KLHL32: variants seen among roughly 807,000 people sequenced by gnomAD.
KLHL32 encodes the protein kelch like family member 32, also known as kelch-like protein 32.
A neutral mutation model predicts 64.8 loss-of-function variants in KLHL32; 35 were observed. The observed-to-expected ratio is 0.54, with a 90% CI of 0.41 to 0.72. The LOEUF (loss-of-function observed/expected upper bound fraction) is 0.72. KLHL32 is among the 30% of genes least tolerant of loss of function. KLHL32 has a pLI of 0.00. For synonymous variants in KLHL32, 259 were observed against 281.0 expected (o/e 0.92, Z 0.78); for missense variants, 589 against 768.5 (o/e 0.77, Z 2.76).
chr6:97,011,598 T>G (rs1459605559), intron 3 of KLHL32, among the ~76,000 whole-genome samples: 1 of 152,200 alleles, frequency 6.6e-6, no homozygotes, highest in Non-Finnish European at 1.5e-5. Context: ...TAAACTCATC[T>G]AAAACCCCAA....
intron 1 of KLHL32, among the ~76,000 whole-genome samples, chr6:96,943,036 T>TACACAC (rs113696398): frequency 0.011 from 1,545 of 146,352 alleles, 13 homozygotes; most frequent in African/African-American, 0.027. Flanking sequence ...ATGCTCCCTC[T>TACACAC]ACACACACAC....
chr6:97,048,881 T>A (rs1480351651), intron 4 of KLHL32, among the ~76,000 whole-genome samples: 2 of 152,242 alleles, frequency 1.3e-5, no homozygotes, highest in African/African-American at 4.8e-5. Context: ...AGAAAATTTT[T>A]AAAATGTTTC....
intron 6 of KLHL32, among the ~76,000 whole-genome samples, chr6:97,095,464 C>T (rs1455398481): frequency 6.6e-6 from 1 of 152,210 alleles, no homozygotes; most frequent in Non-Finnish European, 1.5e-5. Flanking sequence ...TAATTCCACA[C>T]CCCTTGGATT....
At chr6:97,127,640 A>G (rs1193119324) in intron 8 of KLHL32, among the ~76,000 whole-genome samples, 178 bp downstream of exon 8, 1 of 152,212 alleles carries the variant, frequency 6.6e-6, no homozygotes, top group African/African-American at 2.4e-5. Flanking sequence ...TTGTTACTCA[A>G]AACATTTCAG....
intron 4 of KLHL32, among the ~76,000 whole-genome samples, chr6:97,052,564 T>C (rs765412289): frequency 3.9e-5 from 6 of 152,192 alleles, no homozygotes; most frequent in Non-Finnish European, 7.3e-5. Context: ...CATTCCGGCG[T>C]GCAGGCTGTA....
chr6:97,014,465 G>GA (rs757928800), intron 3 of KLHL32, among the ~76,000 whole-genome samples: 128 of 152,212 alleles, frequency 8.4e-4, no homozygotes, highest in Non-Finnish European at 1.6e-3. Flanking sequence ...ACAGTATGGT[G>GA]ATGGTGTTTG....
rs75527223 is a variant in KLHL32 at position 97,078,496 on chromosome 6, C to T, written c.412-6630C>T. ...GCCACATCTGTTGAGTGTTATTACC[C>T]GGAAAAATCTGTAATCCTATTCAAT... On this transcript the variant is annotated intron_variant, in intron 5 of 10. Coordinates refer to ENST00000369261, the MANE Select transcript of KLHL32 (RefSeq NM_052904.4). 1.3e-3 allele frequency among the ~76,000 whole-genome samples: 203 copies of T among 152,132 alleles called. 1 individual carries two copies. The highest frequency in any genetic ancestry group is 4.4e-3 in the African/African-American group (182 of 41,504).
intron 10 of KLHL32, among the ~76,000 whole-genome samples, chr6:97,135,654 T>C (rs1799927661): frequency 6.6e-6 from 1 of 152,184 alleles, no homozygotes; most frequent in African/African-American, 2.4e-5. Context: ...TATAAGCATA[T>C]GGATTATCAC....
Position 97,037,376 on chromosome 6 carries a change from A to C in KLHL32, c.205-4116A>C, listed in dbSNP as rs984940615. ...GTCCATCTTATACATATTAATTTAA[A>C]ATGTATAGACTTGTGAGGATAAAAA... On this transcript the variant is annotated intron_variant, in intron 3 of 10. Transcript: ENST00000369261. Among the ~76,000 whole-genome samples the C allele has an allele frequency of 2.6e-5, 4 of 151,074 alleles. No individual in the cohort carries two copies. In the South Asian group the frequency reaches 8.3e-4, roughly 31 times the overall value.
intron 3 of KLHL32, among the ~76,000 whole-genome samples, chr6:97,035,963 T>C (rs1269874483): frequency 6.6e-6 from 1 of 152,118 alleles, no homozygotes; most frequent in Non-Finnish European, 1.5e-5. Flanking sequence ...GCTTTCATAA[T>C]CTATATCGGT....
At chr6:96,963,257 C>T (rs901442623) in intron 1 of KLHL32, among the ~76,000 whole-genome samples, 1 of 152,052 alleles carries the variant, frequency 6.6e-6, no homozygotes, top group African/African-American at 2.4e-5. Flanking sequence ...GGGTTTGGGG[C>T]TTCTGGATGG....
At chr6:96,934,275 T>G (rs1770296874) in intron 1 of KLHL32, among the ~76,000 whole-genome samples, 1 of 152,178 alleles carries the variant, frequency 6.6e-6, no homozygotes, top group Non-Finnish European at 1.5e-5. Flanking sequence ...GCATTAGTAT[T>G]GAGTCATTTG....
intron 10 of KLHL32, among the ~76,000 whole-genome samples, chr6:97,134,703 A>G (rs1314371894): frequency 6.6e-6 from 1 of 152,220 alleles, no homozygotes; most frequent in African/African-American, 2.4e-5. Flanking sequence ...CAAGGAATAG[A>G]AAATTAGTGG....
intron 3 of KLHL32, among the ~76,000 whole-genome samples, chr6:96,998,195 CT>C (rs1778624811): frequency 6.6e-6 from 1 of 152,150 alleles, no homozygotes; most frequent in Non-Finnish European, 1.5e-5. Flanking sequence ...ACTTTGTAAA[CT>C]GTCAAATACT....
In KLHL32 at chr6:97,047,413, G is replaced by A. The variant is rs372257163; in HGVS notation, c.312+5814G>A. ...CAGAACCAATGGTGGAGGGCATAGA[G>A]GCCAGGCTGCTCTTGCTCTGCAGGG... On this transcript the variant is annotated intron_variant, in intron 4 of 10. Transcript: ENST00000369261. Among the ~76,000 whole-genome samples, 9 of 152,334 alleles carry A rather than the reference G, an allele frequency of 5.9e-5. No individual in the cohort carries two copies. In the East Asian group the frequency reaches 1.2e-3, roughly 20 times the overall value.
At chr6:97,108,458 A>G (rs1480815183) in intron 6 of KLHL32, among the ~76,000 whole-genome samples, 1 of 152,196 alleles carries the variant, frequency 6.6e-6, no homozygotes, top group Non-Finnish European at 1.5e-5. Flanking sequence ...TTACTGTAGT[A>G]GTCTTTAAGC....
Position 97,033,816 on chromosome 6 carries a change from A to G in KLHL32, c.205-7676A>G, listed in dbSNP as rs79497083. On this transcript the variant is annotated intron_variant, in intron 3 of 10. Coordinates refer to ENST00000369261, the MANE Select transcript of KLHL32 (RefSeq NM_052904.4). ...TTTTATATACCTGTTGCCCATTTGT[A>G]TGCCTTCTTTGGAAAAATGTCTATT... Among the ~76,000 whole-genome samples, 418 of 152,180 alleles carry G rather than the reference A, an allele frequency of 2.7e-3. 9 individuals are homozygous for G. The East Asian group carries it at 0.065, about 24-fold the overall frequency.
the KLHL32 span, among the ~76,000 whole-genome samples, chr6:96,911,621 C>T: frequency 3.3e-5 from 5 of 152,118 alleles, no homozygotes; most frequent in African/African-American, 4.8e-5. Flanking sequence ...CTCCCATTTA[C>T]TCCTCACCCC....
At chr6:97,099,982 T>C (rs1057175957) in intron 6 of KLHL32, among the ~76,000 whole-genome samples, 1 of 152,104 alleles carries the variant, frequency 6.6e-6, no homozygotes, top group African/African-American at 2.4e-5. Context: ...CCATCTCTAC[T>C]AAAAATACAA....
Sources: gnomAD v4.1 joint callset for allele counts (sites outside exome capture counted in the v4.1 genomes callset) on GRCh38, gnomAD v4.1.1 for gene constraint, MANE v1.5 for transcripts, NCBI Gene and HGNC (gene_info 2026-07-23, HGNC 2026-07-21) for gene names.